Variants in KCNK2 observed in about 807,000 individuals in gnomAD.
The protein encoded by KCNK2 is potassium channel subfamily K member 2.
In KCNK2, 21 loss-of-function variants were observed where a neutral mutation model predicts 40.5. The ratio of observed to expected loss-of-function variants is 0.52; its 90% CI spans 0.37 to 0.75. The LOEUF is 0.75. KCNK2 is among the 30% of genes least tolerant of loss of function. The probability of loss-of-function intolerance (pLI) is 0.00; values close to 1 mark genes in which losing one functional copy is unlikely to be tolerated. For synonymous variants in KCNK2, 191 were observed against 202.2 expected, an observed-to-expected ratio of 0.94 and a Z score of 0.47; for missense variants, 399 against 531.6, an observed-to-expected ratio of 0.75 and a Z score of 2.45.
intron 2 of KCNK2, among the ~76,000 whole-genome samples, chr1:215,120,770 A>G (rs571098620): frequency 6.6e-6 from 1 of 152,346 alleles, no homozygotes; most frequent in Admixed American, 6.5e-5. Context: ...GAGTGTATGA[A>G]CCAATAACTT....
chr1:215,084,424 T>A (rs7410928), intron 1 of KCNK2, among the ~76,000 whole-genome samples: 28,789 of 152,188 alleles, frequency 0.19, 3,489 homozygotes, highest in South Asian at 0.45. Context: ...AATCTTCATT[T>A]AGAGAGATAA....
At chr1:215,211,623 G>A (rs569260359) in intron 6 of KCNK2, among the ~76,000 whole-genome samples, 15 of 152,268 alleles carry the variant, frequency 9.9e-5, no homozygotes, top group South Asian at 2.1e-4. Flanking sequence ...AAAATCAAGT[G>A]ACATGCTGCT....
At chr1:215,062,893 C>T (rs936475114) in intron 1 of KCNK2, among the ~76,000 whole-genome samples, 2 of 151,908 alleles carry the variant, frequency 1.3e-5, no homozygotes, top group African/African-American at 4.8e-5. Context: ...AAGATAGAGA[C>T]CCTGATTTTA....
intron 1 of KCNK2, among the ~76,000 whole-genome samples, chr1:215,039,771 C>T (rs1384808812): frequency 6.6e-6 from 1 of 152,100 alleles, no homozygotes; most frequent in Non-Finnish European, 1.5e-5. Context: ...TTTGCCATCG[C>T]ATGCAATTTG....
At chr1:215,227,974 G>GTT (rs1666461310) in intron 6 of KCNK2, among the ~76,000 whole-genome samples, 1 of 151,470 alleles carries the variant, frequency 6.6e-6, no homozygotes, top group Non-Finnish European at 1.5e-5. Flanking sequence ...AAAAGTTAAA[G>GTT]AAGTTAAATG....
At chr1:215,181,602 T>C (rs1664218108) in intron 5 of KCNK2, among the ~76,000 whole-genome samples, 1 of 152,134 alleles carries the variant, frequency 6.6e-6, no homozygotes, top group Non-Finnish European at 1.5e-5. Flanking sequence ...TTACACGGGG[T>C]GTGACTGTAG....
chr1:215,044,826 T>TGTGTGTGTGC (rs142895602), intron 1 of KCNK2, among the ~76,000 whole-genome samples: 5 of 140,590 alleles, frequency 3.6e-5, no homozygotes, highest in African/African-American at 5.7e-5. Context: ...TGTGTGTGTG[T>TGTGTGTGTGC]GCGCGCGCAC....
intron 1 of KCNK2, among the ~76,000 whole-genome samples, chr1:215,057,819 T>C (rs1458506564): frequency 6.6e-6 from 1 of 152,112 alleles, no homozygotes; most frequent in Non-Finnish European, 1.5e-5. Flanking sequence ...CTGGCAACTT[T>C]GGGCAAGCTG....
intron 2 of KCNK2, among the ~76,000 whole-genome samples, chr1:215,114,994 G>GGTGTGTGT (rs59948899): frequency 2.1e-4 from 31 of 147,334 alleles, no homozygotes; most frequent in African/African-American, 7.9e-4. Flanking sequence ...TACTTTGTCA[G>GGTGTGTGT]GTGTGTGTGT....
At chr1:215,040,014 T>TG (rs1657513019) in intron 1 of KCNK2, among the ~76,000 whole-genome samples, 1 of 151,938 alleles carries the variant, frequency 6.6e-6, no homozygotes, top group South Asian at 2.1e-4. Context: ...TTTTTACAAG[T>TG]GGGGAGGGAT....
intron 3 of KCNK2, among the ~76,000 whole-genome samples, chr1:215,165,245 A>G (rs1444944507): frequency 6.6e-6 from 1 of 152,078 alleles, no homozygotes; most frequent in Admixed American, 6.6e-5. Flanking sequence ...CCATGTTTTA[A>G]TCATTCACAT....
At chr1:215,106,204 C>A (rs1315246630) in intron 2 of KCNK2, among the ~76,000 whole-genome samples, 1 of 152,082 alleles carries the variant, frequency 6.6e-6, no homozygotes, top group Non-Finnish European at 1.5e-5. Flanking sequence ...ACATTTCCAC[C>A]AACAATGTAC....
At chr1:215,100,218 A>G (rs1019292223) in intron 2 of KCNK2, among the ~76,000 whole-genome samples, 7 of 151,940 alleles carry the variant, frequency 4.6e-5, no homozygotes, top group East Asian at 1.9e-4. Context: ...CCATGGGTCT[A>G]TGGTGTTGTG....
At chr1:215,067,605 TA>T (rs557537843) in intron 1 of KCNK2, among the ~76,000 whole-genome samples, 2 of 152,178 alleles carry the variant, frequency 1.3e-5, no homozygotes, top group South Asian at 4.1e-4. Flanking sequence ...GTTGAATTTT[TA>T]AAAATTTACT....
chr1:215,235,358 G>A lies in KCNK2; in HGVS notation c.*213G>A, dbSNP rs576124790. On this transcript the variant is annotated 3_prime_UTR_variant, in exon 7 of 7. Coordinates refer to ENST00000444842, the MANE Select transcript of KCNK2 (RefSeq NM_001017425.3). ...GCTTGTTGAACGGTCCACTTTCTTT[G>A]ATGAGTGGAATGACAAGCAATGTCT... 1.4e-5 allele frequency: 7 copies of A among 494,784 alleles called. No homozygotes were observed. The South Asian group carries it at 2.6e-4, about 18-fold the overall frequency. The allele number at this position is 494,784 out of a possible 1,614,324, so 30.6% of individuals were successfully genotyped here.
At chr1:215,056,054 C>T (rs1422753006) in intron 1 of KCNK2, among the ~76,000 whole-genome samples, 1 of 151,910 alleles carries the variant, frequency 6.6e-6, no homozygotes, top group Non-Finnish European at 1.5e-5. Context: ...GCCTGTAATC[C>T]CAGCACTTTG....
At chr1:215,177,740 A>ATATATATATTTTTT (rs71167812) in intron 5 of KCNK2, among the ~76,000 whole-genome samples, 13 of 101,574 alleles carry the variant, frequency 1.3e-4, no homozygotes, top group African/African-American at 2.8e-4. Flanking sequence ...ATATATATAT[A>ATATATATATTTTTT]TTTTTTTTTT....
At chr1:215,198,431 GC>G (rs368212020) in intron 6 of KCNK2, among the ~76,000 whole-genome samples, 2 of 152,074 alleles carry the variant, frequency 1.3e-5, no homozygotes, top group African/African-American at 4.8e-5. Flanking sequence ...ACAGGGAAAG[GC>G]CCCTTATAAT....
intron 6 of KCNK2, among the ~76,000 whole-genome samples, chr1:215,212,262 C>A (rs1665773096): frequency 6.6e-6 from 1 of 152,062 alleles, no homozygotes; most frequent in African/African-American, 2.4e-5. Flanking sequence ...CCTTAGGACT[C>A]CCTGTTTTCT....
Sources: gnomAD v4.1 joint callset for allele counts (sites outside exome capture counted in the v4.1 genomes callset) on GRCh38, gnomAD v4.1.1 for gene constraint, MANE v1.5 for transcripts, NCBI Gene and HGNC (gene_info 2026-07-23, HGNC 2026-07-21) for gene names.